The following ABTB2 variants were observed in gnomAD, a reference collection of about 807,000 sequenced individuals.
ABTB2 encodes ankyrin repeat and BTB domain containing 2.
ABTB2 carries 56 observed loss-of-function variants against 104.1 expected under a neutral mutation model. That is an observed-to-expected ratio of 0.54 (90% CI 0.43 to 0.67). The LOEUF (loss-of-function observed/expected upper bound fraction) is 0.67. Ranked by LOEUF, ABTB2 falls within the 30% of genes least tolerant of loss-of-function variation. The probability of loss-of-function intolerance (pLI) is 0.00; values close to 1 mark genes in which losing one functional copy is unlikely to be tolerated. For synonymous variants in ABTB2, 606 were observed against 608.2 expected (o/e 1.00, Z 0.05); for missense variants, 1,279 against 1,407.7 (o/e 0.91, Z 1.46).
At chr11:34,352,011 G>C (rs1855405609) in intron 1 of ABTB2, among the ~76,000 whole-genome samples, 1 of 152,170 alleles carries the variant, frequency 6.6e-6, no homozygotes, top group African/African-American at 2.4e-5. Context: ...AATGGTTAAA[G>C]AGATAGGAAG....
chr11:34,157,876 G>A (rs1389870489), intron 14 of ABTB2, among the ~76,000 whole-genome samples: 1 of 152,124 alleles, frequency 6.6e-6, no homozygotes, highest in Non-Finnish European at 1.5e-5. Flanking sequence ...CCTTCTTACC[G>A]CTGCAAATGC....
rs895097273 is a variant in ABTB2, at chr11:34,299,309, C to T, written c.883+57392G>A. 1.9e-4 allele frequency among the ~76,000 whole-genome samples: 29 copies of T among 152,118 alleles called. 1 individual carries two copies. The highest frequency in any genetic ancestry group is 5.6e-4 in the African/African-American group (23 of 41,414). ...GGATCATTTCTAGGACACGGCTATACACGATGGTCATGGACCAAAGAAAAT... is the reference window on the plus strand; with the variant it reads ...GGATCATTTCTAGGACACGGCTATATACGATGGTCATGGACCAAAGAAAAT... On this transcript the variant is annotated intron_variant, in intron 1 of 16. Coordinates refer to ENST00000435224, the MANE Select transcript of ABTB2 (RefSeq NM_145804.3).
intron 1 of ABTB2, among the ~76,000 whole-genome samples, chr11:34,285,699 GT>G (rs1007119298): frequency 3.9e-5 from 6 of 152,172 alleles, no homozygotes; most frequent in African/African-American, 4.8e-5. Context: ...TAAGAGCTGG[GT>G]AGCGCTCTCC....
intron 1 of ABTB2, among the ~76,000 whole-genome samples, chr11:34,254,550 T>C (rs967156080): frequency 6.6e-6 from 1 of 152,100 alleles, no homozygotes; most frequent in African/African-American, 2.4e-5. Flanking sequence ...GCTCGGCCAA[T>C]GGAAGCTTTT....
At chr11:34,246,902 C>T (rs1853992296) in intron 1 of ABTB2, among the ~76,000 whole-genome samples, 1 of 142,122 alleles carries the variant, frequency 7.0e-6, no homozygotes, top group Non-Finnish European at 1.5e-5. Context: ...GGCTGGAGTA[C>T]AATGGCATGA....
intron 2 of ABTB2, among the ~76,000 whole-genome samples, chr11:34,200,913 G>C (rs549181774): frequency 1.3e-5 from 2 of 152,324 alleles, no homozygotes; most frequent in East Asian, 3.9e-4. Context: ...GTTAATTTCA[G>C]AAGTGAAGAG....
intron 3 of ABTB2, chr11:34,189,289 A>G (rs1853142409): frequency 2.0e-5 from 3 of 152,188 alleles, no homozygotes; most frequent in Admixed American, 2.0e-4. Context: ...AAGAAAAGAG[A>G]AAAGAAAAGA....
At chr11:34,207,076 T>C (rs894930221) in intron 1 of ABTB2, among the ~76,000 whole-genome samples, 1 of 152,110 alleles carries the variant, frequency 6.6e-6, no homozygotes, top group African/African-American at 2.4e-5. Context: ...ACCAAACACA[T>C]TGGGAAGAGC....
chr11:34,324,051 C>T (rs1422215774), intron 1 of ABTB2, among the ~76,000 whole-genome samples: 2 of 151,480 alleles, frequency 1.3e-5, no homozygotes, highest in Non-Finnish European at 2.9e-5. Flanking sequence ...GCTGGGATTA[C>T]AGGTGCCTGC....
intron 1 of ABTB2, among the ~76,000 whole-genome samples, chr11:34,212,218 G>A (rs532764241): frequency 2.6e-5 from 4 of 152,062 alleles, no homozygotes; most frequent in South Asian, 2.1e-4. Context: ...CACCATGCTC[G>A]GCTAATTTTT....
intron 1 of ABTB2, among the ~76,000 whole-genome samples, chr11:34,242,024 G>A (rs1853924469): frequency 6.6e-6 from 1 of 152,232 alleles, no homozygotes; most frequent in South Asian, 2.1e-4. Flanking sequence ...CAGAAGCTGC[G>A]AGGAGATGGC....
At chr11:34,315,107 G>A (rs912770837) in intron 1 of ABTB2, among the ~76,000 whole-genome samples, 8 of 152,202 alleles carry the variant, frequency 5.3e-5, no homozygotes, top group African/African-American at 1.4e-4. Context: ...GCCTGCACTC[G>A]CGCGAGCCTG....
chr11:34,246,350 C>G (rs1036384280), intron 1 of ABTB2, among the ~76,000 whole-genome samples: 3 of 152,042 alleles, frequency 2.0e-5, no homozygotes, highest in Non-Finnish European at 4.4e-5. Context: ...GCCTGTAATC[C>G]CAGCACTTTG....
At chr11:34,354,915 GGA>G (rs3035430) in intron 1 of ABTB2, among the ~76,000 whole-genome samples, 20,335 of 152,074 alleles carry the variant, frequency 0.13, 2,203 homozygotes, top group East Asian at 0.37. Context: ...TATGACCACT[GGA>G]GATGGAAATC....
At chr11:34,333,614 G>T (rs558778708) in intron 1 of ABTB2, among the ~76,000 whole-genome samples, 2 of 152,152 alleles carry the variant, frequency 1.3e-5, no homozygotes, top group African/African-American at 4.8e-5. Flanking sequence ...AAATTAGCTG[G>T]GCATCGTGGT....
chr11:34,287,333 A>G (rs1423377656), intron 1 of ABTB2, among the ~76,000 whole-genome samples: 4 of 152,112 alleles, frequency 2.6e-5, no homozygotes, highest in Admixed American at 2.0e-4. Context: ...GCACTTTGAG[A>G]GGCCAGGAGT....
At chr11:34,195,918 G>A (rs1853247718) in intron 3 of ABTB2, among the ~76,000 whole-genome samples, 1 of 152,192 alleles carries the variant, frequency 6.6e-6, no homozygotes, top group Non-Finnish European at 1.5e-5. Context: ...CCAGGCAAGG[G>A]GACTGCAGAG....
chr11:34,176,285 A>G (rs1334261107), intron 3 of ABTB2, among the ~76,000 whole-genome samples: 1 of 151,234 alleles, frequency 6.6e-6, no homozygotes, highest in East Asian at 1.9e-4. Flanking sequence ...GTCTCAAAAA[A>G]AAAAAAAAAA....
intron 1 of ABTB2, among the ~76,000 whole-genome samples, chr11:34,314,587 GCT>G (rs923392553): frequency 6.6e-6 from 1 of 152,188 alleles, no homozygotes; most frequent in Admixed American, 6.5e-5. Context: ...GGTGCTGATG[GCT>G]CTCTTTTGAG....
Sources: gnomAD v4.1 joint callset for allele counts (sites outside exome capture counted in the v4.1 genomes callset) on GRCh38, gnomAD v4.1.1 for gene constraint, MANE v1.5 for transcripts, NCBI Gene and HGNC (gene_info 2026-07-23, HGNC 2026-07-21) for gene names.